RXFP1: variants seen among roughly 807,000 people sequenced by gnomAD.
RXFP1 encodes relaxin family peptide receptor 1.
A neutral mutation model predicts 89.8 loss-of-function variants in RXFP1; 73 were observed. The observed-to-expected ratio is 0.81, with a 90% CI of 0.67 to 0.99. The LOEUF is 0.99. Ranked by LOEUF, RXFP1 falls within the 50% of genes least tolerant of loss-of-function variation. RXFP1 has a pLI of 0.00. For synonymous variants in RXFP1, 277 were observed against 305.5 expected (o/e 0.91, Z 0.97); for missense variants, 793 against 895.5 (o/e 0.89, Z 1.46).
intron 2 of RXFP1, among the ~76,000 whole-genome samples, chr4:158,590,425 G>A (rs1280947395): frequency 6.6e-6 from 1 of 152,190 alleles, no homozygotes; most frequent in African/African-American, 2.4e-5. Context: ...CTCCCAAAGT[G>A]TGGGGATTCC....
chr4:158,587,923 G>C (rs896944781), intron 2 of RXFP1, among the ~76,000 whole-genome samples: 1 of 152,144 alleles, frequency 6.6e-6, no homozygotes, highest in Non-Finnish European at 1.5e-5. Context: ...TCTTAAAAGG[G>C]GTGAATGAAA....
intron 2 of RXFP1, among the ~76,000 whole-genome samples, chr4:158,581,156 G>T (rs1311484976): frequency 6.6e-6 from 1 of 152,140 alleles, no homozygotes; most frequent in Non-Finnish European, 1.5e-5. Flanking sequence ...TCTAATAAGA[G>T]TTGTAATAAT....
chr4:158,588,016 A>G (rs149005606), intron 2 of RXFP1, among the ~76,000 whole-genome samples: 7 of 152,294 alleles, frequency 4.6e-5, no homozygotes, highest in Non-Finnish European at 1.0e-4. Flanking sequence ...AAACTCTGCA[A>G]AACTAGGAAA....
intron 1 of RXFP1, among the ~76,000 whole-genome samples, chr4:158,541,143 G>C (rs578059350): frequency 4.6e-5 from 7 of 152,012 alleles, no homozygotes; most frequent in Non-Finnish European, 1.0e-4. Flanking sequence ...TTAGATCCCC[G>C]CTATGCATCA....
At chr4:158,626,721 G>A (rs1766919726) in intron 9 of RXFP1, 99 bp from the exon 10 acceptor site, 2 of 692,658 alleles carry the variant, frequency 2.9e-6, no homozygotes, top group Admixed American at 6.2e-5. Context: ...TAAACAGTAT[G>A]TAAAGAAAAG....
rs781430196 is a variant in RXFP1, at chr4:158,617,183, C to T, written c.733C>T (p.His245Tyr). 1.2e-5 allele frequency: 19 copies of T among 1,610,974 alleles called. No homozygotes were observed. Among genetic ancestry groups the T allele is most frequent in the Admixed American group, 3.3e-5 (2 of 59,720 alleles). The stretch of plus-strand genomic sequence containing the variant: ...TTTACCTGATAAACCTCTCTGTCAA[C>T]ACATGCCAAGACTACATTGGCTGTA... ...TRLPDKPLCQ[H>Y]MPRLHWLDLE... The change falls in exon 9 of 18, where the codon CAC becomes TAC. Residue 245 changes from histidine (H) to tyrosine (Y), a missense_variant. Transcript: ENST00000307765.
chr4:158,632,870 G>A (rs949111288), intron 11 of RXFP1, among the ~76,000 whole-genome samples: 13 of 152,090 alleles, frequency 8.5e-5, no homozygotes, highest in Non-Finnish European at 1.5e-4. Context: ...GAGAAAATGC[G>A]ATTGATTAAA....
At chr4:158,562,384 C>T (rs1481990708) in intron 1 of RXFP1, among the ~76,000 whole-genome samples, 9 of 150,118 alleles carry the variant, frequency 6.0e-5, no homozygotes, top group African/African-American at 7.3e-5. Context: ...ATTAGCCGGG[C>T]GTAGTGGCGG....
chr4:158,569,305 C>T (rs1039883613), intron 1 of RXFP1, among the ~76,000 whole-genome samples: 1 of 152,188 alleles, frequency 6.6e-6, no homozygotes, highest in African/African-American at 2.4e-5. Context: ...TACCAGAGGA[C>T]TTTTAGGGCA....
At chr4:158,630,497 A>C (rs565596492) in intron 11 of RXFP1, among the ~76,000 whole-genome samples, 1 of 152,342 alleles carries the variant, frequency 6.6e-6, no homozygotes, top group East Asian at 1.9e-4. Context: ...CTGAATATCA[A>C]GGGACAGTTC....
At chr4:158,619,465 A>G (rs1015997268) in intron 9 of RXFP1, among the ~76,000 whole-genome samples, 13 of 152,208 alleles carry the variant, frequency 8.5e-5, no homozygotes, top group African/African-American at 2.2e-4. Flanking sequence ...GAAAGCAGGT[A>G]CAAAGAAAAC....
chr4:158,583,652 G>A (rs1267789594), intron 2 of RXFP1, among the ~76,000 whole-genome samples: 1 of 152,110 alleles, frequency 6.6e-6, no homozygotes, highest in African/African-American at 2.4e-5. Flanking sequence ...AAATACCTAA[G>A]TAGCTGAACC....
chr4:158,643,005 T>C (rs975885134), intron 14 of RXFP1, among the ~76,000 whole-genome samples: 1 of 152,216 alleles, frequency 6.6e-6, no homozygotes, highest in Non-Finnish European at 1.5e-5. Flanking sequence ...GTGTGCCATT[T>C]GTATAGCATG....
rs546206625 is a variant in RXFP1, at chr4:158,595,361, A to G, written c.286+1862A>G. Among the ~76,000 whole-genome samples the G allele has an allele frequency of 4.6e-5, 7 of 152,320 alleles. No homozygotes were observed. The East Asian group carries it at 7.7e-4, about 17-fold the overall frequency. On this transcript the variant is annotated intron_variant, in intron 3 of 17. Coordinates refer to ENST00000307765, the MANE Select transcript of RXFP1 (RefSeq NM_021634.4). ...TTATTTTAGACAAATTTTATATCAT[A>G]TATTTAGTTTCTTCATGTCACCTGG...
chr4:158,544,320 C>G, intron 1 of RXFP1: 2 of 985,236 alleles, frequency 2.0e-6, no homozygotes, highest in Non-Finnish European at 2.4e-6. Context: ...AAACATAAAA[C>G]ACTCTGATGA....
In RXFP1 at chr4:158,572,866, G is replaced by A. The variant is rs769807314; in HGVS notation, c.187+31G>A. Reference sequence around the variant, plus strand: ...TGAAGCCCCTGCAGTCACGGTGAGAGAAAGGAGCAGAAAGGACTGAAGGTG... The same window carrying A: ...TGAAGCCCCTGCAGTCACGGTGAGAAAAAGGAGCAGAAAGGACTGAAGGTG... On this transcript the variant is annotated intron_variant, in intron 2 of 17. Coordinates refer to ENST00000307765, the MANE Select transcript of RXFP1 (RefSeq NM_021634.4). 2.6e-5 allele frequency: 41 copies of A among 1,606,804 alleles called. 1 individual carries two copies. The South Asian group carries it at 3.1e-4, about 12-fold the overall frequency.
At chr4:158,596,153 G>T (rs1344118150) in intron 3 of RXFP1, among the ~76,000 whole-genome samples, 2 of 151,524 alleles carry the variant, frequency 1.3e-5, no homozygotes, top group Non-Finnish European at 2.9e-5. Context: ...AAAGGAAAAC[G>T]TTAATAGATA....
intron 16 of RXFP1, among the ~76,000 whole-genome samples, chr4:158,647,730 G>A (rs915732003): frequency 2.6e-5 from 4 of 151,840 alleles, no homozygotes; most frequent in African/African-American, 9.7e-5. Flanking sequence ...AAATTAGCTG[G>A]TGTGAGGCCA....
At chr4:158,636,480 A>G (rs1324522827) in intron 12 of RXFP1, among the ~76,000 whole-genome samples, 3 of 152,074 alleles carry the variant, frequency 2.0e-5, no homozygotes, top group African/African-American at 7.2e-5. Context: ...CTTCATGCCT[A>G]TGTTTTATTA....
Sources: gnomAD v4.1 joint callset for allele counts (sites outside exome capture counted in the v4.1 genomes callset) on GRCh38, gnomAD v4.1.1 for gene constraint, MANE v1.5 for transcripts, NCBI Gene and HGNC (gene_info 2026-07-23, HGNC 2026-07-21) for gene names.